PLEKHH1: variants seen among roughly 807,000 people sequenced by gnomAD.
The protein encoded by PLEKHH1 is pleckstrin homology, MyTH4 and FERM domain containing H1.
In PLEKHH1, 104 loss-of-function variants were observed where a neutral mutation model predicts 160.0. That is an observed-to-expected ratio of 0.65 (90% CI 0.55 to 0.76). PLEKHH1 has a LOEUF of 0.76. PLEKHH1 is among the 30% of genes least tolerant of loss of function. The pLI is 0.00. For synonymous variants in PLEKHH1, 619 were observed against 678.4 expected, an observed-to-expected ratio of 0.91 and a Z score of 1.36; for missense variants, 1,427 against 1,724.1, an observed-to-expected ratio of 0.83 and a Z score of 3.05.
Position 67,569,944 on chromosome 14 carries a change from T to TC in PLEKHH1, c.1370dup (p.Gly458TrpfsTer39). 6.2e-7 allele frequency: 1 copy of TC among 1,609,966 alleles called. No homozygotes were observed. The highest frequency in any genetic ancestry group is 8.5e-7 in the Non-Finnish European group (1 of 1,177,764). On this transcript the variant is annotated frameshift_variant, in exon 9 of 29. Transcript: ENST00000329153. LOFTEE classifies it high-confidence loss of function. ...AGCTTCAAGCCCTCCTGCCCTTGTTTCCCCTGGGTCTTTCTCTGGCCTGGT... is the reference window on the plus strand; with the variant it reads ...AGCTTCAAGCCCTCCTGCCCTTGTTTCCCCCTGGGTCTTTCTCTGGCCTGGT...
At chr14:67,555,330 G>A (rs2034550307) in intron 2 of PLEKHH1, among the ~76,000 whole-genome samples, 1 of 152,232 alleles carries the variant, frequency 6.6e-6, no homozygotes, top group Non-Finnish European at 1.5e-5. Flanking sequence ...AGGCAGAGGT[G>A]CCCTCGACTG....
chr14:67,537,376 T>TAATAATAAG (rs1555364843), intron 1 of PLEKHH1, among the ~76,000 whole-genome samples: 2 of 129,958 alleles, frequency 1.5e-5, no homozygotes, highest in Non-Finnish European at 3.2e-5. Flanking sequence ...ATAATAATAA[T>TAATAATAAG]AATAAAAACT....
intron 21 of PLEKHH1, 127 bp from the exon 22 acceptor site, chr14:67,579,594 C>A: frequency 1.1e-6 from 1 of 925,058 alleles, no homozygotes; most frequent in Non-Finnish European, 1.6e-6. Flanking sequence ...ACACAGAAAC[C>A]AACTTGCTTT....
At chr14:67,584,146 T>C in intron 26 of PLEKHH1, 22 bp downstream of exon 26, 1 of 1,610,254 alleles carries the variant, frequency 6.2e-7, no homozygotes, top group Non-Finnish European at 8.5e-7. Context: ...TGGAAGGAGC[T>C]GCCCACACCC....
rs777832934 is a variant in PLEKHH1 at position 67,578,061 on chromosome 14, C to T, written c.2613C>T (p.Ala871=). 3 of 1,613,924 alleles carry T rather than the reference C, an allele frequency of 1.9e-6. No homozygotes were observed. Among genetic ancestry groups the T allele is most frequent in the Admixed American group, 1.7e-5 (1 of 60,024 alleles). ...TCATCAACGTGCCGGTGGAAGCTGC[C>T]TCGGTGGACTACCATGTGTCCCTGG... ...QLFINVPVEA[A]SVDYHVSLAQ... is the part of the protein sequence containing the mutation. Residue 871 remains alanine, a synonymous_variant, in exon 19 of 29, where the codon GCC becomes GCT. Coordinates refer to ENST00000329153, the MANE Select transcript of PLEKHH1 (RefSeq NM_020715.3). The surrounding 1 kb of genome is among the most constrained non-coding windows in gnomAD (Gnocchi z 5.0).
At position 67,572,002 on chromosome 14, in the gene PLEKHH1, G is replaced by A. The variant is rs377294837; in HGVS notation, c.1585+100G>A. 4.0e-4 allele frequency: 590 copies of A among 1,491,114 alleles called. 5 individuals carry two copies. The highest frequency in any genetic ancestry group is 3.6e-3 in the East Asian group (146 of 40,494). The allele number at this position is 1,491,114 out of a possible 1,614,324, so 92.4% of individuals were successfully genotyped here. ...GGGCGTCCCCACTTGATCTGAGCTC[G>A]TGACCCCCCAGCAGCTCCACCCCCA... On this transcript the variant is annotated intron_variant, in intron 10 of 28. Transcript: ENST00000329153.
Position 67,576,483 on chromosome 14 carries a change from T to C in PLEKHH1, c.2441T>C (p.Met814Thr), listed in dbSNP as rs1430822419. ...TAYEQLIGKL[M>T]DGEGDPDSPL... Reference sequence around the variant, plus strand: ...TATGAGCAGCTCATTGGAAAACTGATGGATGGTGAAGGAGATCCAGGTAAG... The same window carrying C: ...TATGAGCAGCTCATTGGAAAACTGACGGATGGTGAAGGAGATCCAGGTAAG... The change falls in exon 17 of 29, where the codon ATG (methionine) becomes ACG (threonine). Residue 814 changes from methionine (M) to threonine (T), a missense_variant. Physicochemically the swap from Met to Thr is moderately conservative, Grantham distance 81. Coordinates refer to ENST00000329153, the MANE Select transcript of PLEKHH1 (RefSeq NM_020715.3). This position sits in a 1 kb window ranked among gnomAD's most constrained non-coding sequence, Gnocchi z 4.0. 1.3e-6 allele frequency: 2 copies of C among 1,589,380 alleles called. No individual in the cohort carries two copies. The highest frequency in any genetic ancestry group is 8.6e-7 in the Non-Finnish European group (1 of 1,157,630).
chr14:67,545,578 A>G (rs2034143849), intron 2 of PLEKHH1, among the ~76,000 whole-genome samples: 1 of 152,250 alleles, frequency 6.6e-6, no homozygotes, highest in Non-Finnish European at 1.5e-5. Flanking sequence ...AAGTGGCAGA[A>G]ATAAATCCAA....
chr14:67,579,325 C>T lies in PLEKHH1; in HGVS notation c.3027+14C>T, dbSNP rs372704128. 32 of 1,485,306 alleles carry T rather than the reference C, an allele frequency of 2.2e-5. No homozygotes were observed. Among genetic ancestry groups the T allele is most frequent in the Non-Finnish European group, 2.7e-5 (30 of 1,118,140 alleles). 92.0% of individuals were successfully genotyped at this position (1,485,306 alleles called of 1,614,324 possible). ...GGGACTTACCATGTGAGGAGCTGGGCGTGCTCTTTGCCCCGAGTCTTCTCA... is the reference window on the plus strand; with the variant it reads ...GGGACTTACCATGTGAGGAGCTGGGTGTGCTCTTTGCCCCGAGTCTTCTCA... On this transcript the variant is annotated intron_variant, in intron 21 of 28. Coordinates refer to ENST00000329153, the MANE Select transcript of PLEKHH1 (RefSeq NM_020715.3).
chr14:67,550,915 C>T (rs1165706763), intron 2 of PLEKHH1, among the ~76,000 whole-genome samples: 2 of 152,190 alleles, frequency 1.3e-5, no homozygotes, highest in East Asian at 3.8e-4. Context: ...AATAGAGATA[C>T]TAACAGTACC....
chr14:67,557,473 GC>G (rs1209196821), intron 4 of PLEKHH1, 55 bp downstream of exon 4: 2 of 1,553,878 alleles, frequency 1.3e-6, no homozygotes, highest in Non-Finnish European at 1.8e-6. Context: ...TGTACTGCTG[GC>G]CCCCAGCTTC....
At chr14:67,554,602 C>T (rs551193567) in intron 2 of PLEKHH1, among the ~76,000 whole-genome samples, 2 of 152,198 alleles carry the variant, frequency 1.3e-5, no homozygotes, top group Non-Finnish European at 2.9e-5. Flanking sequence ...TCTGCTTCTG[C>T]GGGTCCTCCA....
intron 25 of PLEKHH1, 35 bp from the exon 26 acceptor site, chr14:67,583,960 C>T (rs1458306668): frequency 1.9e-6 from 3 of 1,613,386 alleles, no homozygotes; most frequent in Non-Finnish European, 1.7e-6. Flanking sequence ...GTCGGCACTT[C>T]ATTGGCACTA....
chr14:67,542,583 T>G (rs2034014648), intron 2 of PLEKHH1, among the ~76,000 whole-genome samples: 1 of 152,266 alleles, frequency 6.6e-6, no homozygotes, highest in Admixed American at 6.5e-5. Context: ...AGAATAGGTC[T>G]TAAATGGGAA....
chr14:67,551,884 A>AG (rs980104161), intron 2 of PLEKHH1, among the ~76,000 whole-genome samples: 2 of 152,132 alleles, frequency 1.3e-5, no homozygotes, highest in African/African-American at 4.8e-5. Context: ...TAAAAAAAAA[A>AG]AAGAATGTTG....
Position 67,573,831 on chromosome 14 carries a change from G to T in PLEKHH1, c.1870G>T (p.Val624Leu). The T allele has an allele frequency of 6.2e-7, 1 of 1,613,764 alleles. No individual in the cohort carries two copies. Among genetic ancestry groups the T allele is most frequent in the Non-Finnish European group, 8.5e-7 (1 of 1,179,672 alleles). Residue 624 changes from valine (V) to leucine (L), a missense_variant, in exon 13 of 29, where the codon GTG becomes TTG. Transcript: ENST00000329153. This position sits in a 1 kb window ranked among gnomAD's most constrained non-coding sequence, Gnocchi z 4.8. The part of the protein sequence containing the change: ...SDVIRKPQGQ[V>L]DLNSRCQIVR... ...TGTCATCCGGAAACCTCAAGGCCAA[G>T]TGGATCTGAACTCCCGCTGCCAAAT...
chr14:67,569,699 G>A, intron 8 of PLEKHH1: 2 of 582,362 alleles, frequency 3.4e-6, no homozygotes, highest in Non-Finnish European at 6.1e-6. Context: ...ATGGTTAAAG[G>A]TAAGGCTTTT....
At chr14:67,534,298 G>A (rs2033606228) in intron 1 of PLEKHH1, among the ~76,000 whole-genome samples, 1 of 152,150 alleles carries the variant, frequency 6.6e-6, no homozygotes, top group South Asian at 2.1e-4. Context: ...TGTGATTTAG[G>A]CCAGTTGCAG....
Position 67,576,543 on chromosome 14 carries a change from A to G in PLEKHH1, c.2461+40A>G. On this transcript the variant is annotated intron_variant, in intron 17 of 28. Coordinates refer to ENST00000329153, the MANE Select transcript of PLEKHH1 (RefSeq NM_020715.3). The surrounding 1 kb of genome is among the most constrained non-coding windows in gnomAD (Gnocchi z 4.0). ...GCCACCACTGCTTGGGTTGGAGGGT[A>G]GTGGCTTGGTGACTATTGGTCAAGA... is the stretch of plus-strand genomic sequence containing the variant. The G allele has an allele frequency of 1.0e-6, 1 of 1,000,168 alleles. No homozygotes were observed. The highest frequency in any genetic ancestry group is 1.6e-6 in the Non-Finnish European group (1 of 623,894). The allele number at this position is 1,000,168 out of a possible 1,614,324, so 62.0% of individuals were successfully genotyped here. A position where few individuals can be genotyped will look rare whatever the true frequency, so the allele number is the denominator to read the frequency against.
Sources: allele counts gnomAD v4.1 joint callset (sites outside exome capture counted in the v4.1 genomes callset), GRCh38; gene constraint gnomAD v4.1.1; non-coding constraint Gnocchi (gnomAD v3.1); transcripts MANE v1.5; gene names NCBI Gene and HGNC (gene_info 2026-07-23, HGNC 2026-07-21).